Variants in EXOC6B observed in about 807,000 individuals in gnomAD.
EXOC6B encodes the protein SEC15 homolog B.
In EXOC6B, 54 loss-of-function variants were observed where a neutral mutation model predicts 113.5. The ratio of observed to expected loss-of-function variants is 0.48; its 90% confidence interval spans 0.38 to 0.60. The LOEUF is 0.60. Ranked by LOEUF, EXOC6B falls within the 20% of genes least tolerant of loss-of-function variation. The pLI, the probability that EXOC6B is intolerant of heterozygous loss-of-function variation, is 0.00. For missense variants in EXOC6B, 797 were observed against 977.5 expected (o/e 0.82, Z 2.46); for synonymous variants, 357 against 339.0 (o/e 1.05, Z -0.58).
In EXOC6B at chr2:72,334,930, A is replaced by T. The variant is rs1162177024; in HGVS notation, c.2196+17T>A. On this transcript the variant is annotated intron_variant, in intron 20 of 21. Coordinates refer to ENST00000272427, the MANE Select transcript of EXOC6B (RefSeq NM_015189.3). ...CATCTTAAAAGAAAAACAAAAAACA[A>T]AAACACAAAGACTTACTTGTCTCAA... The T allele has an allele frequency of 2.5e-6, 4 of 1,612,554 alleles. No individual in the cohort carries two copies. Among genetic ancestry groups the T allele is most frequent in the Non-Finnish European group, 3.4e-6 (4 of 1,178,890 alleles).
intron 20 of EXOC6B, among the ~76,000 whole-genome samples, chr2:72,290,879 G>C (rs1685741555): frequency 6.6e-6 from 1 of 151,920 alleles, no homozygotes; most frequent in African/African-American, 2.4e-5. Flanking sequence ...TTTTATATGG[G>C]AAAAGATGAA....
intron 13 of EXOC6B, among the ~76,000 whole-genome samples, chr2:72,497,305 C>G (rs547676310): frequency 6.6e-6 from 1 of 152,162 alleles, no homozygotes; most frequent in African/African-American, 2.4e-5. Flanking sequence ...ATGTTCTATT[C>G]TAACTTTCAA....
chr2:72,643,848 G>A (rs957954567), intron 6 of EXOC6B, among the ~76,000 whole-genome samples: 1 of 150,758 alleles, frequency 6.6e-6, no homozygotes, highest in Non-Finnish European at 1.5e-5. Context: ...AAAGAAATGA[G>A]AGCAGAAAAG....
At chr2:72,776,369 C>T (rs187566565) in intron 1 of EXOC6B, among the ~76,000 whole-genome samples, 111 of 152,258 alleles carry the variant, frequency 7.3e-4, no homozygotes, top group African/African-American at 2.6e-3. Flanking sequence ...ATAATCCCAG[C>T]ACTTTGGGAG....
chr2:72,548,642 A>G lies in EXOC6B; in HGVS notation c.915+10811T>C, dbSNP rs541851019. Among the ~76,000 whole-genome samples the G allele has an allele frequency of 9.8e-5, 15 of 152,304 alleles. 1 individual carries two copies. In the South Asian group the frequency reaches 3.1e-3, roughly 32 times the overall value. The stretch of plus-strand genomic sequence containing the variant: ...TCATCTGCAGGTCAAAAGGAGAGTA[A>G]TTATCGTTCAAAATCAAAAACAAAC... On this transcript the variant is annotated intron_variant, in intron 8 of 21. Coordinates refer to ENST00000272427, the MANE Select transcript of EXOC6B (RefSeq NM_015189.3).
chr2:72,280,804 T>C (rs1685083366), intron 20 of EXOC6B, among the ~76,000 whole-genome samples: 1 of 151,880 alleles, frequency 6.6e-6, no homozygotes, highest in Non-Finnish European at 1.5e-5. Flanking sequence ...ATTTTTGGTG[T>C]TGAAAGAGAG....
chr2:72,306,668 A>T (rs563727785), intron 20 of EXOC6B, among the ~76,000 whole-genome samples: 25 of 152,316 alleles, frequency 1.6e-4, no homozygotes, highest in African/African-American at 6.0e-4. Context: ...GGTCAAAAAT[A>T]GTGGTCAGTT....
intron 20 of EXOC6B, among the ~76,000 whole-genome samples, chr2:72,283,301 A>C (rs1685240963): frequency 6.6e-6 from 1 of 152,084 alleles, no homozygotes; most frequent in Non-Finnish European, 1.5e-5. Context: ...GGAAGTCACC[A>C]CTCCATTCTA....
intron 6 of EXOC6B, among the ~76,000 whole-genome samples, chr2:72,585,273 AAG>A (rs1337727301): frequency 1.3e-5 from 2 of 152,168 alleles, no homozygotes; most frequent in Admixed American, 6.5e-5. Context: ...ACAAATAAAA[AAG>A]AGAGAAAATC....
chr2:72,407,936 C>A (rs6712989), intron 18 of EXOC6B, among the ~76,000 whole-genome samples: 30,447 of 152,048 alleles, frequency 0.2, 5,626 homozygotes, highest in African/African-American at 0.49. Context: ...TCCCTGTTTG[C>A]AGATGACATG....
intron 20 of EXOC6B, among the ~76,000 whole-genome samples, chr2:72,192,578 T>C (rs1678916257): frequency 6.6e-6 from 1 of 152,134 alleles, no homozygotes; most frequent in African/African-American, 2.4e-5. Flanking sequence ...GCCTACCTCA[T>C]GTTAGAGAAA....
At chr2:72,233,794 C>T (rs1050383882) in intron 20 of EXOC6B, among the ~76,000 whole-genome samples, 1 of 152,220 alleles carries the variant, frequency 6.6e-6, no homozygotes, top group African/African-American at 2.4e-5. Context: ...CTGGCAGCCA[C>T]AGCTTCCTGC....
intron 19 of EXOC6B, among the ~76,000 whole-genome samples, chr2:72,370,963 C>G (rs963503361): frequency 6.6e-6 from 1 of 151,618 alleles, no homozygotes; most frequent in East Asian, 1.9e-4. Flanking sequence ...CAAACCTGCA[C>G]ATTGTGCACA....
At chr2:72,310,735 G>T (rs1687135952) in intron 20 of EXOC6B, among the ~76,000 whole-genome samples, 1 of 151,730 alleles carries the variant, frequency 6.6e-6, no homozygotes, top group Non-Finnish European at 1.5e-5. Flanking sequence ...TAAGTATGAT[G>T]CTTCCTTTGA....
intron 6 of EXOC6B, among the ~76,000 whole-genome samples, chr2:72,696,027 T>TA (rs1200828791): frequency 1.4e-4 from 22 of 151,930 alleles, no homozygotes; most frequent in Non-Finnish European, 2.6e-4. Context: ...ATTTTCATCT[T>TA]AAAAAAAAGA....
chr2:72,473,836 G>C (rs779825219), intron 17 of EXOC6B, among the ~76,000 whole-genome samples: 18 of 151,888 alleles, frequency 1.2e-4, no homozygotes, highest in Non-Finnish European at 1.9e-4. Flanking sequence ...TCATTTGTTT[G>C]TTTGCTTTAC....
At chr2:72,602,101 C>T (rs904981877) in intron 6 of EXOC6B, among the ~76,000 whole-genome samples, 2 of 152,066 alleles carry the variant, frequency 1.3e-5, no homozygotes, top group South Asian at 4.2e-4. Flanking sequence ...TCCCTTTTCT[C>T]AGTAAAAGAT....
intron 6 of EXOC6B, among the ~76,000 whole-genome samples, chr2:72,618,609 T>C (rs867450892): frequency 1.1e-4 from 16 of 152,344 alleles, no homozygotes; most frequent in South Asian, 8.3e-4. Flanking sequence ...TGTATTTGTC[T>C]TTCACAGCAA....
intron 2 of EXOC6B, among the ~76,000 whole-genome samples, chr2:72,735,323 G>C (rs1234426083): frequency 6.6e-6 from 1 of 151,900 alleles, no homozygotes; most frequent in African/African-American, 2.4e-5. Context: ...CAAGTATAGG[G>C]AACACACACA....
Sources: gnomAD v4.1 joint callset for allele counts (sites outside exome capture counted in the v4.1 genomes callset) on GRCh38, gnomAD v4.1.1 for gene constraint, MANE v1.5 for transcripts, NCBI Gene and HGNC (gene_info 2026-07-23, HGNC 2026-07-21) for gene names.